Variants in IL11 observed in about 807,000 individuals in gnomAD.
IL11 encodes the protein interleukin-11.
Under a neutral mutation model 18.1 loss-of-function variants are expected in IL11, and 17 were observed. The ratio of observed to expected loss-of-function variants is 0.94; its 90% confidence interval spans 0.64 to 1.41. The LOEUF is 1.41. Ranked by LOEUF, IL11 falls within the 40% of genes most tolerant of loss-of-function variation. The pLI, the probability that IL11 is intolerant of heterozygous loss-of-function variation, is 0.00. For missense variants in IL11, 309 were observed against 262.8 expected, an observed-to-expected ratio of 1.18 and a Z score of -1.22; for synonymous variants, 144 against 134.1, an observed-to-expected ratio of 1.07 and a Z score of -0.51.
intron 4 of IL11, among the ~76,000 whole-genome samples, chr19:55,367,603 G>A (rs1349514168): frequency 6.6e-6 from 1 of 151,938 alleles, no homozygotes; most frequent in Non-Finnish European, 1.5e-5. Context: ...TGGGATTACA[G>A]GCATGCACCA....
In IL11 at chr19:55,364,906, C is replaced by T. The variant is rs1359589476; in HGVS notation, c.*1101G>A. The T allele has an allele frequency of 2.0e-5, 3 of 152,230 alleles. No individual in the cohort carries two copies. Among genetic ancestry groups the T allele is most frequent in the East Asian group, 3.8e-4 (2 of 5,202 alleles). 9.4% of individuals were successfully genotyped at this position (152,230 alleles called of 1,614,324 possible). ...CACAGATGCACCATGTTGCTTAACC[C>T]TCACTGTTGGATATCTAGATTGTTT... is the stretch of plus-strand genomic sequence containing the variant. On this transcript the variant is annotated 3_prime_UTR_variant, in exon 5 of 5. Transcript: ENST00000264563.
At chr19:55,368,715 TC>T in intron 2 of IL11, 53 bp downstream of exon 2, 1 of 1,523,822 alleles carries the variant, frequency 6.6e-7, no homozygotes, top group Non-Finnish European at 8.9e-7. Flanking sequence ...CAGACTCCTC[TC>T]CGTTCCTCTC....
rs1374438826 is a variant in IL11, at chr19:55,366,244, G to A, written c.430-67C>T. 1.2e-5 allele frequency: 17 copies of A among 1,418,824 alleles called. No individual in the cohort carries two copies. The highest frequency in any genetic ancestry group is 1.5e-5 in the African/African-American group (1 of 67,222). The allele number at this position is 1,418,824 out of a possible 1,614,324, so 87.9% of individuals were successfully genotyped here. A position where few individuals can be genotyped will look rare whatever the true frequency, so the allele number is the denominator to read the frequency against. On this transcript the variant is annotated intron_variant, in intron 4 of 4. Transcript: ENST00000264563. This position sits in a 1 kb window ranked among gnomAD's most constrained non-coding sequence, Gnocchi z 4.6. ...AGCGGGGGTGCAGGGCAGGGGTGCT[G>A]TGGAGCTGCAGCTGAATCGGGGCTG...
Position 55,368,349 on chromosome 19 carries a change from AG to A in IL11, c.289del (p.Leu97CysfsTer23), listed in dbSNP as rs1323325541. 2.5e-6 allele frequency: 4 copies of A among 1,598,746 alleles called. No individual in the cohort carries two copies. On this transcript the variant is annotated frameshift_variant, in exon 4 of 5. Transcript: ENST00000264563. LOFTEE classifies it high-confidence loss of function. ...ALQLPGVLTR[L>X]RADLLSYLRH... Reference sequence around the variant, plus strand: ...CAGGTAGGACAGTAGGTCCGCTCGCAGCCTTGTCAGCACACCTGGGAGCTGG... The same window carrying A: ...CAGGTAGGACAGTAGGTCCGCTCGCACCTTGTCAGCACACCTGGGAGCTGG...
Position 55,364,988 on chromosome 19 carries a change from C to A in IL11, c.*1019G>T, listed in dbSNP as rs888997688. Reference sequence around the variant, plus strand: ...AACCATCTTGACCTTGCAGCTTTGTCCCATACGGGTACTGTTGATCACAGG... The same window carrying A: ...AACCATCTTGACCTTGCAGCTTTGTACCATACGGGTACTGTTGATCACAGG... On this transcript the variant is annotated 3_prime_UTR_variant, in exon 5 of 5. Transcript: ENST00000264563. 6.6e-6 allele frequency: 1 copy of A among 152,156 alleles called. No homozygotes were observed. Among genetic ancestry groups the A allele is most frequent in the African/African-American group, 2.4e-5 (1 of 41,418 alleles). The allele number at this position is 152,156 out of a possible 1,614,324, so 9.4% of individuals were successfully genotyped here. A position where few individuals can be genotyped will look rare whatever the true frequency, so the allele number is the denominator to read the frequency against.
chr19:55,370,426 G>A lies in IL11; in HGVS notation c.-116C>T, dbSNP rs1009570228. ...GGTCAGCTGGGCCGCGGCCTGGGGAGGGGAGGCATGTGCCCTGAGCAGCAG... is the reference window on the plus strand; with the variant it reads ...GGTCAGCTGGGCCGCGGCCTGGGGAAGGGAGGCATGTGCCCTGAGCAGCAG... On this transcript the variant is annotated 5_prime_UTR_variant, in exon 1 of 5. Transcript: ENST00000264563. 4.0e-6 allele frequency: 3 copies of A among 752,424 alleles called. No homozygotes were observed. The highest frequency in any genetic ancestry group is 1.8e-5 in the African/African-American group (1 of 54,254). 46.6% of individuals were successfully genotyped at this position (752,424 alleles called of 1,614,324 possible). A position where few individuals can be genotyped will look rare whatever the true frequency, so the allele number is the denominator to read the frequency against.
rs989296417 is a variant in IL11 at position 55,366,728 on chromosome 19, C to T, written c.430-551G>A. Among the ~76,000 whole-genome samples, 1 of 152,132 alleles carries T rather than the reference C, an allele frequency of 6.6e-6. No homozygotes were observed. Among genetic ancestry groups the T allele is most frequent in the African/African-American group, 2.4e-5 (1 of 41,416 alleles). On this transcript the variant is annotated intron_variant, in intron 4 of 4. Coordinates refer to ENST00000264563, the MANE Select transcript of IL11 (RefSeq NM_000641.4). The surrounding 1 kb of genome is among the most constrained non-coding windows in gnomAD (Gnocchi z 4.6). Reference sequence around the variant, plus strand: ...TCAGGAGGCTGAGGCAGGAGAATCGCTTGAGCCCAGGAGGCGGAGGTTCCA... The same window carrying T: ...TCAGGAGGCTGAGGCAGGAGAATCGTTTGAGCCCAGGAGGCGGAGGTTCCA...
chr19:55,368,185 G>A (rs2089797193), intron 4 of IL11, 25 bp downstream of exon 4: 1 of 1,507,922 alleles, frequency 6.6e-7, no homozygotes, highest in Non-Finnish European at 8.9e-7. Flanking sequence ...GGTCTGGGGT[G>A]TCAGGTCTTG....
chr19:55,367,726 C>G (rs2089794569), intron 4 of IL11, among the ~76,000 whole-genome samples: 1 of 152,034 alleles, frequency 6.6e-6, no homozygotes, highest in East Asian at 1.9e-4. Context: ...TCCCAAAGTG[C>G]TGGGATTACA....
rs374283886 is a variant in IL11 at position 55,369,617 on chromosome 19, G to GGCGGGGGGCGCGGGGGGC, written c.7+669_8-677dup. 5.6e-5 allele frequency among the ~76,000 whole-genome samples: 8 copies of GGCGGGGGGCGCGGGGGGC among 143,808 alleles called. 1 individual carries two copies. Among genetic ancestry groups the GGCGGGGGGCGCGGGGGGC allele is most frequent in the Non-Finnish European group, 6.1e-5 (4 of 65,720 alleles). 94.3% of individuals were successfully genotyped at this position (143,808 alleles called of 152,430 possible). On this transcript the variant is annotated intron_variant, in intron 1 of 4. Coordinates refer to ENST00000264563, the MANE Select transcript of IL11 (RefSeq NM_000641.4). This position sits in a 1 kb window ranked among gnomAD's most constrained non-coding sequence, Gnocchi z 6.1. ...GGGCCGCGGGAGCGGGAGAGCTGGC[G>GGCGGGGGGCGCGGGGGGC]GCGGGGGGCGCGGGGGGCGCGGGGG...
rs1159213921 is a variant in IL11, at chr19:55,369,164, G to A, written c.8-223C>T. On this transcript the variant is annotated intron_variant, in intron 1 of 4. Coordinates refer to ENST00000264563, the MANE Select transcript of IL11 (RefSeq NM_000641.4). The surrounding 1 kb of genome is among the most constrained non-coding windows in gnomAD (Gnocchi z 6.1). The stretch of plus-strand genomic sequence containing the variant: ...AGGAGGGTCTGGGGCCTGGACTCCC[G>A]GCCTTAGGGAGGATGGAGCTGGAGG... 24 of 428,076 alleles carry A rather than the reference G, an allele frequency of 5.6e-5. No individual in the cohort carries two copies. In the East Asian group the frequency reaches 8.6e-4, roughly 15 times the overall value. 26.5% of individuals were successfully genotyped at this position (428,076 alleles called of 1,614,324 possible).
Position 55,366,282 on chromosome 19 carries a change from G to T in IL11, c.430-105C>A, listed in dbSNP as rs934680323. On this transcript the variant is annotated intron_variant, in intron 4 of 4. Coordinates refer to ENST00000264563, the MANE Select transcript of IL11 (RefSeq NM_000641.4). The surrounding 1 kb of genome is among the most constrained non-coding windows in gnomAD (Gnocchi z 4.6). ...TGAATCGGGGCTGCATATTCACAGG[G>T]GGACTGTGGCGCGTGGGGTGAAGTG... The T allele has an allele frequency of 3.2e-6, 4 of 1,250,506 alleles. No homozygotes were observed. Among genetic ancestry groups the T allele is most frequent in the Non-Finnish European group, 3.2e-6 (3 of 938,986 alleles). The allele number at this position is 1,250,506 out of a possible 1,614,324, so 77.5% of individuals were successfully genotyped here.
In IL11 at chr19:55,369,564, G is replaced by A. The variant is rs1309121603; in HGVS notation, c.8-623C>T. On this transcript the variant is annotated intron_variant, in intron 1 of 4. Transcript: ENST00000264563. The surrounding 1 kb of genome is among the most constrained non-coding windows in gnomAD (Gnocchi z 6.1). The stretch of plus-strand genomic sequence containing the variant: ...AGCCCGGGCCGCAGCGCACCTGGGC[G>A]GAGAGGGGCAGAGCCATGGGCCCGG... 6.6e-6 allele frequency among the ~76,000 whole-genome samples: 1 copy of A among 151,176 alleles called. No individual in the cohort carries two copies. The highest frequency in any genetic ancestry group is 6.6e-5 in the Admixed American group (1 of 15,198).
In IL11 at chr19:55,370,289, C is replaced by T; in HGVS notation, c.7+15G>A. On this transcript the variant is annotated intron_variant, in intron 1 of 4. Transcript: ENST00000264563. ...GCCTCCCTGTCCCCTCCACCCTCCC[C>T]ATGAACCAACTTACAGTTCATGTCC... 1 of 1,491,412 alleles carries T rather than the reference C, an allele frequency of 6.7e-7. No homozygotes were observed. Among genetic ancestry groups the T allele is most frequent in the East Asian group, 2.7e-5 (1 of 36,860 alleles). The allele number at this position is 1,491,412 out of a possible 1,614,324, so 92.4% of individuals were successfully genotyped here.
Position 55,369,025 on chromosome 19 carries a change from G to T in IL11, c.8-84C>A. 2.4e-6 allele frequency: 3 copies of T among 1,269,658 alleles called. No individual in the cohort carries two copies. The highest frequency in any genetic ancestry group is 3.2e-6 in the Non-Finnish European group (3 of 938,590). 78.6% of individuals were successfully genotyped at this position (1,269,658 alleles called of 1,614,324 possible). A position where few individuals can be genotyped will look rare whatever the true frequency, so the allele number is the denominator to read the frequency against. On this transcript the variant is annotated intron_variant, in intron 1 of 4. Coordinates refer to ENST00000264563, the MANE Select transcript of IL11 (RefSeq NM_000641.4). This position sits in a 1 kb window ranked among gnomAD's most constrained non-coding sequence, Gnocchi z 6.1. ...CTGGGCCTGGACTCCCGGGTCTGAG[G>T]GAGGAGGAACTGGGGTCTGGACTCC...
chr19:55,370,285 T>A lies in IL11; in HGVS notation c.7+19A>T, dbSNP rs1366627680. On this transcript the variant is annotated intron_variant, in intron 1 of 4. Transcript: ENST00000264563. ...CCCTGCCTCCCTGTCCCCTCCACCCTCCCCATGAACCAACTTACAGTTCAT... is the reference window on the plus strand; with the variant it reads ...CCCTGCCTCCCTGTCCCCTCCACCCACCCCATGAACCAACTTACAGTTCAT... The A allele has an allele frequency of 6.7e-7, 1 of 1,487,762 alleles. No individual in the cohort carries two copies. Among genetic ancestry groups the A allele is most frequent in the Non-Finnish European group, 9.0e-7 (1 of 1,108,350 alleles). The allele number at this position is 1,487,762 out of a possible 1,614,324, so 92.2% of individuals were successfully genotyped here. A position where few individuals can be genotyped will look rare whatever the true frequency, so the allele number is the denominator to read the frequency against.
In IL11 at chr19:55,365,432, G is replaced by T. The variant is rs571172783; in HGVS notation, c.*575C>A. On this transcript the variant is annotated 3_prime_UTR_variant, in exon 5 of 5. Transcript: ENST00000264563. ...CCTCCACAGAGCTGTCTGGGTGACCGACCCATCTCCCAGTCGCTGCCCCGC... is the reference window on the plus strand; with the variant it reads ...CCTCCACAGAGCTGTCTGGGTGACCTACCCATCTCCCAGTCGCTGCCCCGC... 2 of 159,676 alleles carry T rather than the reference G, an allele frequency of 1.3e-5. No homozygotes were observed. Among genetic ancestry groups the T allele is most frequent in the Non-Finnish European group, 2.7e-5 (2 of 73,596 alleles). 9.9% of individuals were successfully genotyped at this position (159,676 alleles called of 1,614,324 possible).
At position 55,370,366 on chromosome 19, in the gene IL11, A is replaced by T. The variant is rs942817443; in HGVS notation, c.-56T>A. 2 of 1,365,820 alleles carry T rather than the reference A, an allele frequency of 1.5e-6. No homozygotes were observed. Among genetic ancestry groups the T allele is most frequent in the African/African-American group, 3.0e-5 (2 of 65,772 alleles). 84.6% of individuals were successfully genotyped at this position (1,365,820 alleles called of 1,614,324 possible). A position where few individuals can be genotyped will look rare whatever the true frequency, so the allele number is the denominator to read the frequency against. On this transcript the variant is annotated 5_prime_UTR_variant, in exon 1 of 5. Transcript: ENST00000264563. ...AGGGGGCAGGGAGCCGGGGGCCTTT[A>T]ACCCTTCCCTGTCCGCTGCCGGGGG...
In IL11 at chr19:55,368,282, C is replaced by T; in HGVS notation, c.357G>A (p.Leu119=). The change falls in exon 4 of 5, where the codon CTG becomes CTA. Residue 119 remains leucine (L), a synonymous_variant. Transcript: ENST00000264563. ...QWLRRAGGSS[L]KTLEPELGTL... The stretch of plus-strand genomic sequence containing the variant: ...TGCCCAGCTCGGGCTCCAGGGTCTT[C>T]AGGGAAGAGCCACCTGCCCGGCGCA... 2 of 1,563,724 alleles carry T rather than the reference C, an allele frequency of 1.3e-6. No homozygotes were observed. The highest frequency in any genetic ancestry group is 1.9e-5 in the Admixed American group (1 of 52,988).
Sources: allele counts gnomAD v4.1 joint callset (sites outside exome capture counted in the v4.1 genomes callset), GRCh38; gene constraint gnomAD v4.1.1; non-coding constraint Gnocchi (gnomAD v3.1); transcripts MANE v1.5; gene names NCBI Gene and HGNC (gene_info 2026-07-23, HGNC 2026-07-21).